LAMA3: variants seen among roughly 807,000 people sequenced by gnomAD.
LAMA3 encodes the protein laminin subunit alpha 3.
A neutral mutation model predicts 402.0 loss-of-function variants in LAMA3; 281 were observed. The observed-to-expected ratio is 0.70, with a 90% CI of 0.63 to 0.77. The LOEUF (loss-of-function observed/expected upper bound fraction) is 0.77, where lower values mean the gene tolerates loss of function less well. LAMA3 is among the 30% of genes least tolerant of loss of function. The probability of loss-of-function intolerance (pLI) is 0.00; values close to 1 mark genes in which losing one functional copy is unlikely to be tolerated. For synonymous variants in LAMA3, 1,431 were observed against 1,558.4 expected, an observed-to-expected ratio of 0.92 and a Z score of 1.93; for missense variants, 3,840 against 4,215.5, an observed-to-expected ratio of 0.91 and a Z score of 2.47.
At chr18:23,745,747 A>G (rs1378260746) in intron 2 of LAMA3, among the ~76,000 whole-genome samples, 1 of 152,266 alleles carries the variant, frequency 6.6e-6, no homozygotes, top group African/African-American at 2.4e-5. Context: ...GAAAGACAGT[A>G]TTCATTATTC....
At chr18:23,909,601 G>A (rs188835021) in intron 55 of LAMA3, among the ~76,000 whole-genome samples, 1 of 152,308 alleles carries the variant, frequency 6.6e-6, no homozygotes, top group East Asian at 1.9e-4. Context: ...ACATTCAAGG[G>A]AGGGTTCTGT....
At chr18:23,950,242 T>C (rs2082861643) in intron 72 of LAMA3, 83 bp downstream of exon 72, 3 of 1,495,050 alleles carry the variant, frequency 2.0e-6, no homozygotes, top group East Asian at 4.5e-5. Flanking sequence ...AGGTTTGTAG[T>C]AGAGAATGGG....
At chr18:23,891,034 T>C (rs1261032184) in intron 42 of LAMA3, among the ~76,000 whole-genome samples, 3 of 152,308 alleles carry the variant, frequency 2.0e-5, no homozygotes, top group South Asian at 4.1e-4. Context: ...AAAAGGCAGA[T>C]TAATAGGAGA....
intron 2 of LAMA3, among the ~76,000 whole-genome samples, chr18:23,730,371 T>C (rs1296692712): frequency 1.6e-5 from 2 of 126,120 alleles, no homozygotes; most frequent in South Asian, 5.0e-4. Context: ...TTTCTTTCTT[T>C]TTTTTTTTTT....
intron 37 of LAMA3, among the ~76,000 whole-genome samples, chr18:23,868,603 C>A (rs2064425866): frequency 6.6e-6 from 1 of 152,110 alleles, no homozygotes; most frequent in East Asian, 1.9e-4. Context: ...CAGAGTGAGA[C>A]CCTGTCTCAA....
Position 23,839,677 on chromosome 18 carries a change from T to G in LAMA3, c.3192-108T>G. 1 of 1,174,236 alleles carries G rather than the reference T, an allele frequency of 8.5e-7. No individual in the cohort carries two copies. Among genetic ancestry groups the G allele is most frequent in the Non-Finnish European group, 1.3e-6 (1 of 789,968 alleles). The allele number at this position is 1,174,236 out of a possible 1,614,324, so 72.7% of individuals were successfully genotyped here. A position where few individuals can be genotyped will look rare whatever the true frequency, so the allele number is the denominator to read the frequency against. On this transcript the variant is annotated intron_variant, in intron 26 of 74. Coordinates refer to ENST00000313654, the MANE Select transcript of LAMA3 (RefSeq NM_198129.4). The surrounding 1 kb of genome is among the most constrained non-coding windows in gnomAD (Gnocchi z 4.5). Reference sequence around the variant, plus strand: ...TGTGCTTCCCCCAGCACTGGATCCTTTTGATGCCCATGCAGTCCTATGCTC... The same window carrying G: ...TGTGCTTCCCCCAGCACTGGATCCTGTTGATGCCCATGCAGTCCTATGCTC...
At position 23,894,324 on chromosome 18, in the gene LAMA3, A is replaced by G; in HGVS notation, c.5437A>G (p.Ser1813Gly). 1.9e-6 allele frequency: 3 copies of G among 1,613,628 alleles called. No individual in the cohort carries two copies. Among genetic ancestry groups the G allele is most frequent in the Non-Finnish European group, 2.5e-6 (3 of 1,179,496 alleles). ...CTGCATAAACCAAGAACCCAAAGAT[A>G]GCAGCCCTGCAGAAGAATGTGATGG... is the stretch of plus-strand genomic sequence containing the variant. ...GDCINQEPKD[S>G]SPAEECDDCD... Residue 1813 changes from serine to glycine, a missense_variant, in exon 43 of 75, where the codon AGC (serine) becomes GGC (glycine). Transcript: ENST00000313654.
Position 23,884,853 on chromosome 18 carries a change from G to T in LAMA3, c.5303G>T (p.Arg1768Met). 1 of 1,608,862 alleles carries T rather than the reference G, an allele frequency of 6.2e-7. No individual in the cohort carries two copies. The highest frequency in any genetic ancestry group is 8.5e-7 in the Non-Finnish European group (1 of 1,176,830). Residue 1768 changes from arginine (R) to methionine (M), a missense_variant and splice_region_variant, in exon 41 of 75, where the codon AGG (arginine) becomes ATG (methionine). Arg to Met is a moderately conservative substitution (Grantham distance 91). Coordinates refer to ENST00000313654, the MANE Select transcript of LAMA3 (RefSeq NM_198129.4). ...KAGYTGTQCE[R>M]CAPGYFGNPQ... is the part of the protein sequence containing the mutation. ...GGGTACACAGGAACACAGTGTGAAAGGTAAGGTGGGCGCCCCTCCCGCCTC... is the reference window on the plus strand; with the variant it reads ...GGGTACACAGGAACACAGTGTGAAATGTAAGGTGGGCGCCCCTCCCGCCTC...
intron 74 of LAMA3, 54 bp from the exon 75 acceptor site, chr18:23,954,449 A>AGTC: frequency 6.9e-7 from 1 of 1,439,802 alleles, no homozygotes; most frequent in South Asian, 1.1e-5. Context: ...TCCAGGGAAC[A>AGTC]GTCCCTGGAC....
intron 2 of LAMA3, among the ~76,000 whole-genome samples, chr18:23,728,565 G>A (rs1454290860): frequency 6.6e-6 from 1 of 152,082 alleles, no homozygotes; most frequent in Admixed American, 6.6e-5. Flanking sequence ...CTTCCCTCCT[G>A]CTGCCACTGC....
chr18:23,791,265 A>G (rs1405460400), intron 12 of LAMA3, among the ~76,000 whole-genome samples: 5 of 152,210 alleles, frequency 3.3e-5, no homozygotes, highest in Non-Finnish European at 5.9e-5. Context: ...TCAAAGTCCT[A>G]TAATCTTTAC....
chr18:23,689,673 C>A lies in LAMA3; in HGVS notation c.-11C>A, dbSNP rs781013544. 4 of 1,312,264 alleles carry A rather than the reference C, an allele frequency of 3.0e-6. No individual in the cohort carries two copies. Among genetic ancestry groups the A allele is most frequent in the South Asian group, 2.3e-5 (1 of 44,290 alleles). 81.3% of individuals were successfully genotyped at this position (1,312,264 alleles called of 1,614,324 possible). A position where few individuals can be genotyped will look rare whatever the true frequency, so the allele number is the denominator to read the frequency against. ...GCGGACGGCTCAGGCGGGAGGACCCCGCGCGGCTGGATGGCGGCGGCCGCG... is the reference window on the plus strand; with the variant it reads ...GCGGACGGCTCAGGCGGGAGGACCCAGCGCGGCTGGATGGCGGCGGCCGCG... On this transcript the variant is annotated 5_prime_UTR_variant, in exon 1 of 75. Transcript: ENST00000313654.
At position 23,763,431 on chromosome 18, in the gene LAMA3, AACTGTT is replaced by A; in HGVS notation, c.1094_1099del (p.Cys365_Tyr366del). ...ATGCAACTGCCACGGCCATGCCAGC[AACTGTT>A]ACTATGATCCAGATGTTGAGCGGCA... On this transcript the variant is annotated inframe_deletion, in exon 8 of 75. Coordinates refer to ENST00000313654, the MANE Select transcript of LAMA3 (RefSeq NM_198129.4). 5 of 1,613,940 alleles carry A rather than the reference AACTGTT, an allele frequency of 3.1e-6. No homozygotes were observed. The highest frequency in any genetic ancestry group is 3.4e-6 in the Non-Finnish European group (4 of 1,179,828).
intron 21 of LAMA3, among the ~76,000 whole-genome samples, chr18:23,825,411 A>G (rs541665728): frequency 6.6e-6 from 1 of 152,178 alleles, no homozygotes; most frequent in Non-Finnish European, 1.5e-5. Context: ...TTCAGGCACA[A>G]CCCTGTTTAT....
chr18:23,749,510 T>C lies in LAMA3; in HGVS notation c.648T>C (p.Thr216=). The C allele has an allele frequency of 6.2e-7, 1 of 1,611,142 alleles. No homozygotes were observed. The highest frequency in any genetic ancestry group is 8.5e-7 in the Non-Finnish European group (1 of 1,177,238). Residue 216 remains threonine (T), a synonymous_variant, in exon 4 of 75, where the codon ACT becomes ACC. Coordinates refer to ENST00000313654, the MANE Select transcript of LAMA3 (RefSeq NM_198129.4). ...GGGATGATGATGTACTTTGTGTTAC[T>C]GAATATTCCCGTATTGTACCTTTGG... ...VTRDDDVLCV[T]EYSRIVPLEN...
chr18:23,872,830 A>G, intron 38 of LAMA3: 1 of 581,936 alleles, frequency 1.7e-6, no homozygotes, highest in Non-Finnish European at 3.1e-6. Flanking sequence ...TGCCCGCCCC[A>G]CCTCACAGGA....
At chr18:23,920,820 T>C (rs989847578) in intron 60 of LAMA3, 115 bp from the exon 61 acceptor site, 1 of 1,269,308 alleles carries the variant, frequency 7.9e-7, no homozygotes, top group Admixed American at 1.7e-5. Context: ...CCCTTTTCAC[T>C]GAGGCAGCAG....
chr18:23,905,610 A>G lies in LAMA3; in HGVS notation c.6704A>G (p.Lys2235Arg). Residue 2235 changes from lysine (K) to arginine (R), a missense_variant, in exon 52 of 75, where the codon AAG (lysine) becomes AGG (arginine). Lys to Arg is a conservative substitution (Grantham distance 26). Coordinates refer to ENST00000313654, the MANE Select transcript of LAMA3 (RefSeq NM_198129.4). ...TTAAATGAAGCCAAGATGACACAAA[A>G]GAAGCTAAAGCAAGGTATTAGGGGG... ...KLLNEAKMTQ[K>R]KLKQEVSPAL... 5.6e-6 allele frequency: 9 copies of G among 1,603,670 alleles called. No homozygotes were observed. Among genetic ancestry groups the G allele is most frequent in the Non-Finnish European group, 7.7e-6 (9 of 1,170,992 alleles).
chr18:23,921,691 C>T, intron 62 of LAMA3, 106 bp downstream of exon 62: 1 of 1,136,964 alleles, frequency 8.8e-7, no homozygotes, highest in South Asian at 1.3e-5. Flanking sequence ...CAAACAAACA[C>T]AAAAAGTTAA....
Sources: gnomAD v4.1 joint callset for allele counts (sites outside exome capture counted in the v4.1 genomes callset) on GRCh38, gnomAD v4.1.1 for gene constraint, Gnocchi (gnomAD v3.1) non-coding constraint, MANE v1.5 for transcripts, NCBI Gene and HGNC (gene_info 2026-07-23, HGNC 2026-07-21) for gene names.